Variants in ZFAND1 observed in about 807,000 individuals in gnomAD.
The protein encoded by ZFAND1 is zinc finger AN1-type containing 1.
A neutral mutation model predicts 38.5 loss-of-function variants in ZFAND1; 40 were observed. The ratio of observed to expected loss-of-function variants is 1.04; its 90% CI spans 0.81 to 1.35. The LOEUF is 1.35. Ranked by LOEUF, ZFAND1 falls within the 40% of genes most tolerant of loss-of-function variation. The pLI, the probability that ZFAND1 is intolerant of heterozygous loss-of-function variation, is 0.00. For synonymous variants in ZFAND1, 117 were observed against 103.6 expected, an observed-to-expected ratio of 1.13 and a Z score of -0.78; for missense variants, 346 against 316.3, an observed-to-expected ratio of 1.09 and a Z score of -0.71.
chr8:81,710,932 T>G (rs1452995657), intron 6 of ZFAND1, among the ~76,000 whole-genome samples: 1 of 152,112 alleles, frequency 6.6e-6, no homozygotes, highest in Admixed American at 6.6e-5. Flanking sequence ...CATATACATA[T>G]GGTACATATA....
At position 81,706,370 on chromosome 8, in the gene ZFAND1, C is replaced by CAAAA. The variant is rs35031788; in HGVS notation, c.481-3250_481-3247dup. Among the ~76,000 whole-genome samples the CAAAA allele has an allele frequency of 6.9e-3, 499 of 72,672 alleles. 5 individuals carry two copies. Among genetic ancestry groups the CAAAA allele is most frequent in the Middle Eastern group, 0.017 (1 of 60 alleles). 47.7% of individuals were successfully genotyped at this position (72,672 alleles called of 152,430 possible). A position where few individuals can be genotyped will look rare whatever the true frequency, so the allele number is the denominator to read the frequency against. On this transcript the variant is annotated intron_variant, in intron 6 of 7. Coordinates refer to ENST00000220669, the MANE Select transcript of ZFAND1 (RefSeq NM_024699.3). ...CAAGTAAGCCCTAAGGAAGGAGAAA[C>CAAAA]AAAAAAAAAAAAAAAAAAAAAAAAG...
In ZFAND1 at chr8:81,717,252, A is replaced by C. The variant is rs1808344986; in HGVS notation, c.135T>G (p.Pro45=). The C allele has an allele frequency of 6.5e-7, 1 of 1,545,336 alleles. No individual in the cohort carries two copies. ...GATTGGAAAAATACTAACATACCTC[A>C]GGACAACCATGAGACTCCCTGCTTC... ...EHRSRESHGC[P]EVTVINERLK... is the part of the protein sequence containing the mutation. The change falls in exon 3 of 8, where the codon CCT becomes CCG. Residue 45 remains proline, a synonymous_variant. Coordinates refer to ENST00000220669, the MANE Select transcript of ZFAND1 (RefSeq NM_024699.3).
rs369992651 is a variant in ZFAND1 at position 81,703,026 on chromosome 8, T to C, written c.579A>G (p.Ile193Met). ...FCHRWSIGKA[I>M]DFAASLARLK... ...GCCTGGCTAGAGAAGCGGCAAAGTC[T>C]ATGGCCTTTCCAATGCTCCATCGGT... is the stretch of plus-strand genomic sequence containing the variant. The change falls in exon 7 of 8, where the codon ATA (isoleucine) becomes ATG (methionine). Residue 193 changes from isoleucine to methionine, a missense_variant. By Grantham distance (10) the Ile-to-Met change is conservative. Coordinates refer to ENST00000220669, the MANE Select transcript of ZFAND1 (RefSeq NM_024699.3). 5.7e-5 allele frequency: 90 copies of C among 1,584,350 alleles called. No homozygotes were observed. In the East Asian group the frequency reaches 9.5e-4, roughly 17 times the overall value.
At chr8:81,714,574 C>G in intron 5 of ZFAND1, 1 of 461,030 alleles carries the variant, frequency 2.2e-6, no homozygotes, top group South Asian at 2.4e-5. Flanking sequence ...ATCTAAGTGG[C>G]TCAGCAAAAG....
chr8:81,714,696 G>A (rs889491457), intron 5 of ZFAND1, 108 bp downstream of exon 5: 21 of 887,870 alleles, frequency 2.4e-5, no homozygotes, highest in African/African-American at 6.7e-5. Flanking sequence ...AAGTTAATAC[G>A]AATACCACTG....
intron 1 of ZFAND1, among the ~76,000 whole-genome samples, chr8:81,719,471 C>T (rs1808410187): frequency 6.6e-6 from 1 of 152,040 alleles, no homozygotes; most frequent in African/African-American, 2.4e-5. Context: ...CGCGCCACTG[C>T]ACTCCATCCT....
rs906156311 is a variant in ZFAND1 at position 81,718,555 on chromosome 8, TG to T, written c.56-332del. Among the ~76,000 whole-genome samples, 62 of 151,890 alleles carry T rather than the reference TG, an allele frequency of 4.1e-4. 1 individual carries two copies. The highest frequency in any genetic ancestry group is 1.4e-3 in the African/African-American group (60 of 41,518). On this transcript the variant is annotated intron_variant, in intron 1 of 7. Coordinates refer to ENST00000220669, the MANE Select transcript of ZFAND1 (RefSeq NM_024699.3). ...CTGTATACTGCAAAAATTCCGCATT[TG>T]GAGTGAAAAACCTGGGATTCAATTC...
At chr8:81,718,335 G>T in intron 1 of ZFAND1, 111 bp from the exon 2 acceptor site, 1 of 758,772 alleles carries the variant, frequency 1.3e-6, no homozygotes, top group Non-Finnish European at 2.1e-6. Flanking sequence ...TAATATCCTA[G>T]TGTAGCAAGC....
At chr8:81,709,072 C>T (rs573189646) in intron 6 of ZFAND1, among the ~76,000 whole-genome samples, 1 of 152,310 alleles carries the variant, frequency 6.6e-6, no homozygotes, top group East Asian at 1.9e-4. Flanking sequence ...AAGTACCACA[C>T]AGCCTATTTA....
intron 5 of ZFAND1, 68 bp downstream of exon 5, chr8:81,714,736 A>T (rs1236177530): frequency 1.5e-6 from 2 of 1,373,426 alleles, no homozygotes; most frequent in East Asian, 4.6e-5. Flanking sequence ...CCATAATTGG[A>T]AAGTAGATAT....
Position 81,708,773 on chromosome 8 carries a change from A to G in ZFAND1, c.480+5145T>C, listed in dbSNP as rs148386916. Reference sequence around the variant, plus strand: ...GAGGCAGTATACGGAACTGGTTAGAAGGGCAGGCTCTTACCAAGTTAGTGC... The same window carrying G: ...GAGGCAGTATACGGAACTGGTTAGAGGGGCAGGCTCTTACCAAGTTAGTGC... On this transcript the variant is annotated intron_variant, in intron 6 of 7. Coordinates refer to ENST00000220669, the MANE Select transcript of ZFAND1 (RefSeq NM_024699.3). 8.7e-4 allele frequency: 1,077 copies of G among 1,240,062 alleles called. 2 individuals are homozygous for G. The highest frequency in any genetic ancestry group is 1.1e-3 in the Non-Finnish European group (1,028 of 971,544). 76.8% of individuals were successfully genotyped at this position (1,240,062 alleles called of 1,614,324 possible).
At chr8:81,717,107 G>A (rs1405501614) in intron 3 of ZFAND1, 142 bp downstream of exon 3, 9 of 553,368 alleles carry the variant, frequency 1.6e-5, no homozygotes, top group Non-Finnish European at 2.8e-5. Flanking sequence ...TAATATAAAT[G>A]AAGCAAAAGC....
chr8:81,710,589 G>C (rs554291859), intron 6 of ZFAND1, among the ~76,000 whole-genome samples: 2 of 151,742 alleles, frequency 1.3e-5, no homozygotes, highest in Admixed American at 1.3e-4. Flanking sequence ...TATCAAACTG[G>C]TTTAAAAAAA....
Position 81,702,703 on chromosome 8 carries a change from A to G in ZFAND1, c.799T>C (p.Leu267=). 6.5e-7 allele frequency: 1 copy of G among 1,535,062 alleles called. No individual in the cohort carries two copies. Among genetic ancestry groups the G allele is most frequent in the East Asian group, 2.4e-5 (1 of 41,430 alleles). Residue 267 remains leucine, a synonymous_variant, in exon 8 of 8, where the codon TTG becomes CTG. Transcript: ENST00000220669. The part of the protein sequence containing the change: ...EQFCKNVESY[L]E Reference sequence around the variant, plus strand: ...CTTGAATCTTTGAATGACTATTCCAAGTAAGATTCAACATTTTTACAGAAT... The same window carrying G: ...CTTGAATCTTTGAATGACTATTCCAGGTAAGATTCAACATTTTTACAGAAT...
At chr8:81,703,366 C>A (rs78399365) in intron 6 of ZFAND1, among the ~76,000 whole-genome samples, 1,544 of 152,290 alleles carry the variant, frequency 0.01, 10 homozygotes, top group Non-Finnish European at 0.015. Flanking sequence ...CCAATCAGAT[C>A]TGTTCCTGGG....
chr8:81,702,885 T>C lies in ZFAND1; in HGVS notation c.637-20A>G, dbSNP rs1807853588. 6.4e-7 allele frequency: 1 copy of C among 1,570,920 alleles called. No individual in the cohort carries two copies. Among genetic ancestry groups the C allele is most frequent in the Non-Finnish European group, 8.6e-7 (1 of 1,163,536 alleles). ...TAATTTCTGTGAAGGGAGAAGTAAG[T>C]CATACTGTAATAAATAAACATGCTT... On this transcript the variant is annotated intron_variant, in intron 7 of 7. Coordinates refer to ENST00000220669, the MANE Select transcript of ZFAND1 (RefSeq NM_024699.3).
At chr8:81,703,427 A>G (rs1807872525) in intron 6 of ZFAND1, among the ~76,000 whole-genome samples, 1 of 151,912 alleles carries the variant, frequency 6.6e-6, no homozygotes, top group Non-Finnish European at 1.5e-5. Context: ...TTATTTATTT[A>G]TTTATTTATT....
intron 6 of ZFAND1, among the ~76,000 whole-genome samples, chr8:81,704,604 C>A (rs1418200540): frequency 3.3e-5 from 5 of 149,914 alleles, no homozygotes; most frequent in Non-Finnish European, 7.4e-5. Flanking sequence ...CTTTGCTCTT[C>A]ACTGATTCCG....
chr8:81,706,795 A>G (rs941442547), intron 6 of ZFAND1, among the ~76,000 whole-genome samples: 1 of 152,190 alleles, frequency 6.6e-6, no homozygotes, highest in Admixed American at 6.5e-5. Flanking sequence ...GCTGAATAAT[A>G]TGAGTATACA....
Sources: gnomAD v4.1 joint callset for allele counts (sites outside exome capture counted in the v4.1 genomes callset) on GRCh38, gnomAD v4.1.1 for gene constraint, MANE v1.5 for transcripts, NCBI Gene and HGNC (gene_info 2026-07-23, HGNC 2026-07-21) for gene names.